The following FRAS1 variants were observed in gnomAD, a reference collection of about 807,000 sequenced individuals.
The protein encoded by FRAS1 is Fraser extracellular matrix complex subunit 1.
In FRAS1, 290 loss-of-function variants were observed where a neutral mutation model predicts 435.2. The ratio of observed to expected loss-of-function variants is 0.67; its 90% confidence interval spans 0.61 to 0.73. The LOEUF (loss-of-function observed/expected upper bound fraction) is 0.73. Among genes scored for constraint, FRAS1 ranks in the 30% least tolerant of loss-of-function variants. The pLI is 0.00. For synonymous variants in FRAS1, 1,800 were observed against 1,851.0 expected (o/e 0.97, Z 0.71); for missense variants, 4,860 against 5,001.5 (o/e 0.97, Z 0.85).
intron 66 of FRAS1, among the ~76,000 whole-genome samples, chr4:78,518,422 G>GTGTATA (rs1397809156): frequency 5.9e-5 from 8 of 135,724 alleles, no homozygotes; most frequent in African/African-American, 2.4e-4. Context: ...TTTTTGTTGT[G>GTGTATA]TATATATATA....
intron 2 of FRAS1, among the ~76,000 whole-genome samples, chr4:78,113,176 C>A (rs1169358870): frequency 6.6e-6 from 1 of 152,188 alleles, no homozygotes; most frequent in Non-Finnish European, 1.5e-5. Context: ...TTTATGGCTG[C>A]ATAGTATTCC....
At chr4:78,450,485 A>AT (rs35488967) in intron 45 of FRAS1, 146 bp downstream of exon 45, 212,831 of 557,632 alleles carry the variant, frequency 0.38, 26,748 homozygotes, top group African/African-American at 0.42. Context: ...TTGTTTTCTT[A>AT]TTTTTTTTTT....
chr4:78,517,627 G>A (rs1167189369), intron 66 of FRAS1, among the ~76,000 whole-genome samples: 4 of 152,172 alleles, frequency 2.6e-5, no homozygotes, highest in African/African-American at 9.7e-5. Context: ...AACAGGCTTG[G>A]ACAAGACATA....
intron 57 of FRAS1, 105 bp downstream of exon 57, chr4:78,482,069 A>G (rs994216112): frequency 8.5e-7 from 1 of 1,180,956 alleles, no homozygotes; most frequent in Non-Finnish European, 1.2e-6. Flanking sequence ...CGATATTCCT[A>G]TCTTTCCTTT....
At chr4:78,223,457 A>G (rs1724138276) in intron 2 of FRAS1, among the ~76,000 whole-genome samples, 1 of 152,226 alleles carries the variant, frequency 6.6e-6, no homozygotes, top group Non-Finnish European at 1.5e-5. Context: ...AATGTCAATG[A>G]TTAGTTTACC....
intron 2 of FRAS1, among the ~76,000 whole-genome samples, chr4:78,073,513 T>C (rs1274368570): frequency 1.3e-5 from 2 of 152,194 alleles, no homozygotes; most frequent in Non-Finnish European, 2.9e-5. Flanking sequence ...CCAAATTGTC[T>C]TACAACTTGA....
intron 58 of FRAS1, among the ~76,000 whole-genome samples, chr4:78,488,550 A>T (rs1241434690): frequency 6.6e-6 from 1 of 152,106 alleles, no homozygotes; most frequent in Admixed American, 6.5e-5. Flanking sequence ...CACCATCAAA[A>T]TTTTTCTTAC....
intron 56 of FRAS1, 127 bp downstream of exon 56, chr4:78,479,845 G>A: frequency 1.5e-6 from 1 of 679,060 alleles, no homozygotes; most frequent in East Asian, 2.8e-5. Context: ...ACCACTGTTG[G>A]TCTAAGGCAC....
chr4:78,339,703 A>G (rs750763518), intron 20 of FRAS1, among the ~76,000 whole-genome samples: 1 of 152,248 alleles, frequency 6.6e-6, no homozygotes, highest in Non-Finnish European at 1.5e-5. Flanking sequence ...GTATTAAAGC[A>G]TATTAGTTAA....
chr4:78,482,592 A>G, intron 58 of FRAS1, 57 bp downstream of exon 58: 1 of 1,545,548 alleles, frequency 6.5e-7, no homozygotes, highest in Non-Finnish European at 8.9e-7. Flanking sequence ...TTTTTCTTTA[A>G]CGTCCACATA....
chr4:78,412,816 A>T (rs540366261), intron 31 of FRAS1, among the ~76,000 whole-genome samples, 153 bp from the exon 32 acceptor site: 1 of 152,356 alleles, frequency 6.6e-6, no homozygotes, highest in Non-Finnish European at 1.5e-5. Flanking sequence ...TCAGTAAAAG[A>T]TCAATATTAA....
intron 2 of FRAS1, among the ~76,000 whole-genome samples, chr4:78,132,607 C>T (rs1468531258): frequency 1.3e-5 from 2 of 152,118 alleles, no homozygotes; most frequent in Non-Finnish European, 1.5e-5. Context: ...TGGCAGATCA[C>T]TCTGGTTGTT....
intron 22 of FRAS1, among the ~76,000 whole-genome samples, chr4:78,364,477 C>T (rs546259242): frequency 6.6e-6 from 1 of 152,228 alleles, no homozygotes; most frequent in African/African-American, 2.4e-5. Flanking sequence ...AATTTGTTTT[C>T]TACATGTGTT....
intron 2 of FRAS1, among the ~76,000 whole-genome samples, chr4:78,105,484 C>A (rs1447961870): frequency 6.6e-6 from 1 of 152,104 alleles, no homozygotes; most frequent in East Asian, 1.9e-4. Context: ...ATTTGCTCCT[C>A]TCAAAGGGCC....
intron 70 of FRAS1, among the ~76,000 whole-genome samples, chr4:78,530,444 A>G (rs920241909): frequency 1.3e-5 from 2 of 152,136 alleles, no homozygotes; most frequent in Admixed American, 6.6e-5. Context: ...TGGATCCCCT[A>G]TATAGCTCCA....
intron 47 of FRAS1, among the ~76,000 whole-genome samples, chr4:78,455,421 G>A (rs1394576699): frequency 6.3e-5 from 4 of 63,708 alleles, no homozygotes; most frequent in Non-Finnish European, 6.9e-5. Flanking sequence ...GAGTTGAGGA[G>A]GGAGGGGGTT....
chr4:78,472,115 T>C (rs28566963), intron 51 of FRAS1, 65 bp from the exon 52 acceptor site: 416,276 of 1,490,044 alleles, frequency 0.28, 63,306 homozygotes, highest in South Asian at 0.51. Context: ...TAAATCTGAG[T>C]CAGAGGGTCT....
intron 19 of FRAS1, among the ~76,000 whole-genome samples, chr4:78,334,712 T>G (rs1028083068): frequency 6.6e-6 from 1 of 152,134 alleles, no homozygotes; most frequent in Non-Finnish European, 1.5e-5. Context: ...TATGTACAGA[T>G]ACGTGTGTGT....
At chr4:78,304,008 T>C (rs567670874) in intron 14 of FRAS1, among the ~76,000 whole-genome samples, 261 of 152,042 alleles carry the variant, frequency 1.7e-3, no homozygotes, top group African/African-American at 6.2e-3. Context: ...TAGATAGCTC[T>C]TATTATTTTG....
Sources: gnomAD v4.1 joint callset for allele counts (sites outside exome capture counted in the v4.1 genomes callset) on GRCh38, gnomAD v4.1.1 for gene constraint, MANE v1.5 for transcripts, NCBI Gene and HGNC (gene_info 2026-07-23, HGNC 2026-07-21) for gene names.